CACNA1E: variants seen among roughly 807,000 people sequenced by gnomAD.
The protein encoded by CACNA1E is calcium voltage-gated channel subunit alpha1 E, also known as voltage-dependent R-type calcium channel subunit alpha-1E.
CACNA1E carries 40 observed loss-of-function variants against 259.2 expected under a neutral mutation model. The ratio of observed to expected loss-of-function variants is 0.15; its 90% CI spans 0.12 to 0.20. The LOEUF is 0.20. Among genes scored for constraint, CACNA1E ranks in the 10% least tolerant of loss-of-function variants. The pLI is 1.00. For synonymous variants in CACNA1E, 1,104 were observed against 1,138.5 expected (o/e 0.97, Z 0.61); for missense variants, 1,874 against 3,040.1 (o/e 0.62, Z 9.02).
chr1:181,609,962 G>A (rs1271282748), intron 6 of CACNA1E, among the ~76,000 whole-genome samples: 1 of 152,188 alleles, frequency 6.6e-6, no homozygotes, highest in Non-Finnish European at 1.5e-5. Context: ...CCAGGACAGA[G>A]CACATCTCCA....
intron 7 of CACNA1E, among the ~76,000 whole-genome samples, chr1:181,671,945 C>T (rs1036488153): frequency 6.6e-6 from 1 of 152,178 alleles, no homozygotes. Flanking sequence ...TGAATGTTCA[C>T]CGCAGCACTA....
In CACNA1E at chr1:181,483,831, C is replaced by T; in HGVS notation, c.87C>T (p.Pro29=). The change falls in exon 1 of 48, where the codon CCC becomes CCT. Residue 29 remains proline (P), a synonymous_variant. Coordinates refer to ENST00000367573, the MANE Select transcript of CACNA1E (RefSeq NM_001205293.3). ...AGAGCAGGAACCGGCAAGGAACCCCCGTGCCGGCCTCGGGGCAGGCGGCCG... is the reference window on the plus strand; with the variant it reads ...AGAGCAGGAACCGGCAAGGAACCCCTGTGCCGGCCTCGGGGCAGGCGGCCG... The part of the protein sequence containing the change: ...SDQSRNRQGT[P]VPASGQAAAY... 4.3e-6 allele frequency: 7 copies of T among 1,613,710 alleles called. No homozygotes were observed. Among genetic ancestry groups the T allele is most frequent in the Non-Finnish European group, 5.9e-6 (7 of 1,179,826 alleles).
intron 15 of CACNA1E, 61 bp from the exon 16 acceptor site, chr1:181,721,697 A>G: frequency 2.8e-6 from 3 of 1,068,852 alleles, no homozygotes; most frequent in Non-Finnish European, 4.3e-6. Flanking sequence ...TGCCCTTGGC[A>G]TTGGCCCCAT....
chr1:181,555,860 G>C (rs1257427779), intron 3 of CACNA1E, among the ~76,000 whole-genome samples: 2 of 152,206 alleles, frequency 1.3e-5, no homozygotes, highest in African/African-American at 4.8e-5. Context: ...GCTCCTGCTA[G>C]TCTGAAAGGC....
intron 35 of CACNA1E, among the ~76,000 whole-genome samples, chr1:181,770,540 T>C (rs1343029505): frequency 6.6e-6 from 1 of 152,202 alleles, no homozygotes; most frequent in Non-Finnish European, 1.5e-5. Context: ...CCATTTTCTG[T>C]TTTCCTTTTC....
chr1:181,490,378 T>TAA (rs568341402), intron 1 of CACNA1E, among the ~76,000 whole-genome samples: 2 of 139,706 alleles, frequency 1.4e-5, no homozygotes, highest in South Asian at 2.3e-4. Flanking sequence ...TCTTACTTAT[T>TAA]AAAAAAAAAA....
At chr1:181,480,380 G>C (rs1021256991), upstream of CACNA1E, among the ~76,000 whole-genome samples, 1 of 152,130 alleles carries the variant, frequency 6.6e-6, no homozygotes, top group Admixed American at 6.5e-5. Context: ...AACTCACATA[G>C]GTGCTGAAAC....
chr1:181,394,966 T>C (rs1372916989), intron 1 of CACNA1E, among the ~76,000 whole-genome samples: 1 of 152,094 alleles, frequency 6.6e-6, no homozygotes, highest in Non-Finnish European at 1.5e-5. Flanking sequence ...GCTGTTACTC[T>C]AAGTGAAGGG....
At chr1:181,425,428 GA>G (rs1043564610) in intron 2 of CACNA1E, among the ~76,000 whole-genome samples, 3 of 152,188 alleles carry the variant, frequency 2.0e-5, no homozygotes, top group Non-Finnish European at 4.4e-5. Flanking sequence ...GACACGTGCA[GA>G]AAAGGAAGTG....
intron 1 of CACNA1E, among the ~76,000 whole-genome samples, chr1:181,375,534 T>G (rs1469548024): frequency 6.6e-6 from 1 of 152,206 alleles, no homozygotes; most frequent in Non-Finnish European, 1.5e-5. Flanking sequence ...GGTGCTTACT[T>G]CGTCTATTCT....
intron 1 of CACNA1E, among the ~76,000 whole-genome samples, chr1:181,486,303 A>G (rs1461672666): frequency 6.6e-6 from 1 of 152,248 alleles, no homozygotes; most frequent in Non-Finnish European, 1.5e-5. Flanking sequence ...GTTCTACAGC[A>G]TGTAGGCTGT....
At chr1:181,373,177 C>T (rs955377454) in intron 1 of CACNA1E, among the ~76,000 whole-genome samples, 2 of 152,060 alleles carry the variant, frequency 1.3e-5, no homozygotes, top group African/African-American at 4.8e-5. Flanking sequence ...GGAGTTTCTT[C>T]TCAGTTTTTT....
intron 7 of CACNA1E, among the ~76,000 whole-genome samples, chr1:181,662,323 T>G (rs1473829478): frequency 1.3e-5 from 2 of 152,198 alleles, no homozygotes; most frequent in African/African-American, 2.4e-5. Context: ...GTGAAATGAC[T>G]TGCTCAGTTT....
In CACNA1E at chr1:181,483,962, G is replaced by A. The variant is rs1219232478; in HGVS notation, c.218G>A (p.Gly73Glu). The A allele has an allele frequency of 9.3e-6, 15 of 1,612,774 alleles. 1 individual carries two copies. The highest frequency in any genetic ancestry group is 1.3e-5 in the African/African-American group (1 of 74,876). Residue 73 changes from glycine to glutamate, a missense_variant, in exon 1 of 48, where the codon GGA becomes GAA. Coordinates refer to ENST00000367573, the MANE Select transcript of CACNA1E (RefSeq NM_001205293.3). ...GTCAACAGATCCCTGTTCATCTTCG[G>A]AGAAGATAACATTGTCAGGAAATAT... ...FTVNRSLFIF[G>E]EDNIVRKYAK...
At chr1:181,718,611 AACACACACACACACAC>A (rs60522141) in intron 12 of CACNA1E, among the ~76,000 whole-genome samples, 289 of 124,308 alleles carry the variant, frequency 2.3e-3, no homozygotes, top group African/African-American at 6.5e-3. Context: ...CCCTCATTCA[AACACACACACACACAC>A]ACACACACAC....
chr1:181,771,525 C>G, intron 36 of CACNA1E, 141 bp downstream of exon 36: 1 of 622,528 alleles, frequency 1.6e-6, no homozygotes. Context: ...CAGGCAATGT[C>G]TTTGCCAAAC....
intron 35 of CACNA1E, among the ~76,000 whole-genome samples, chr1:181,767,494 G>C (rs768790786): frequency 1.1e-4 from 17 of 152,216 alleles, no homozygotes; most frequent in Non-Finnish European, 2.4e-4. Flanking sequence ...CAGGCAGTCT[G>C]GCTGCCTTGG....
intron 1 of CACNA1E, among the ~76,000 whole-genome samples, chr1:181,507,523 C>T (rs1367415421): frequency 1.3e-5 from 2 of 152,010 alleles, no homozygotes; most frequent in Non-Finnish European, 2.9e-5. Context: ...CTGCCATGGT[C>T]CAAGGGGATA....
intron 7 of CACNA1E, among the ~76,000 whole-genome samples, chr1:181,686,392 T>A (rs1257087935): frequency 4.0e-5 from 6 of 149,570 alleles, no homozygotes; most frequent in African/African-American, 1.5e-4. Flanking sequence ...GTTCAAGCGA[T>A]TCTCCTGCCT....
Sources: gnomAD v4.1 joint callset for allele counts (sites outside exome capture counted in the v4.1 genomes callset) on GRCh38, gnomAD v4.1.1 for gene constraint, MANE v1.5 for transcripts, NCBI Gene and HGNC (gene_info 2026-07-23, HGNC 2026-07-21) for gene names.